Variants in LRRC37A2 observed in about 807,000 individuals in gnomAD.
LRRC37A2 encodes leucine-rich repeat-containing protein 37A2.
In LRRC37A2, 9 loss-of-function variants were observed where a neutral mutation model predicts 68.8. That is an observed-to-expected ratio of 0.13 (90% confidence interval 0.08 to 0.23). The LOEUF (loss-of-function observed/expected upper bound fraction) is 0.23, where lower values mean the gene tolerates loss of function less well. Among genes scored for constraint, LRRC37A2 ranks in the 10% least tolerant of loss-of-function variants. LRRC37A2 has a pLI of 1.00. For missense variants in LRRC37A2, 168 were observed against 950.4 expected, an observed-to-expected ratio of 0.18 and a Z score of 10.82; for synonymous variants, 63 against 367.6, an observed-to-expected ratio of 0.17 and a Z score of 9.48.
chr17:46,848,438 C>A, the LRRC37A2 span, among the ~76,000 whole-genome samples: 1 of 152,258 alleles, frequency 6.6e-6, no homozygotes, highest in Non-Finnish European at 1.5e-5. Flanking sequence ...AAACTCAGGC[C>A]AGCCCTTCAG....
At chr17:46,940,752 T>G in the LRRC37A2 span, 2 of 1,561,444 alleles carry the variant, frequency 1.3e-6, no homozygotes, top group South Asian at 1.1e-5. Flanking sequence ...ATGCTGCACC[T>G]TCAGAGCCAG....
the LRRC37A2 span, among the ~76,000 whole-genome samples, chr17:46,845,785 C>CTTTTT: frequency 2.3e-5 from 2 of 86,792 alleles, no homozygotes; most frequent in Non-Finnish European, 4.1e-5. Context: ...ACTGTGCTGG[C>CTTTTT]TTTTTTTTTT....
chr17:46,876,171 T>C, the LRRC37A2 span: 7 of 1,380,660 alleles, frequency 5.1e-6, no homozygotes, highest in Non-Finnish European at 6.9e-6. Flanking sequence ...CCTGCTGGGG[T>C]TGGTGCTCTG....
At chr17:46,945,907 A>G in the LRRC37A2 span, among the ~76,000 whole-genome samples, 3 of 152,168 alleles carry the variant, frequency 2.0e-5, no homozygotes, top group South Asian at 2.1e-4. Flanking sequence ...TATTGTTGCT[A>G]TGTGCATGGA....
the LRRC37A2 span, among the ~76,000 whole-genome samples, chr17:46,842,004 A>G: frequency 6.6e-6 from 1 of 152,082 alleles, no homozygotes; most frequent in Non-Finnish European, 1.5e-5. Flanking sequence ...GCTCCTGCAG[A>G]AGGCTGGCCG....
the LRRC37A2 span, among the ~76,000 whole-genome samples, chr17:47,013,085 G>A: frequency 6.6e-6 from 1 of 152,200 alleles, no homozygotes; most frequent in Admixed American, 6.5e-5. Context: ...AAAACATTAA[G>A]TGAAAGAAGC....
the LRRC37A2 span, among the ~76,000 whole-genome samples, chr17:46,752,104 G>A: frequency 5.9e-3 from 894 of 152,306 alleles, 3 homozygotes; most frequent in Middle Eastern, 0.017. Flanking sequence ...CTAGACTTGG[G>A]ATCTGTATAT....
chr17:46,789,701 T>TA, the LRRC37A2 span, among the ~76,000 whole-genome samples: 9 of 152,216 alleles, frequency 5.9e-5, no homozygotes, highest in Admixed American at 5.9e-4. Flanking sequence ...GCTGGAGTAC[T>TA]AAACCATGGC....
At chr17:47,013,015 ATT>A in the LRRC37A2 span, among the ~76,000 whole-genome samples, 1 of 152,270 alleles carries the variant, frequency 6.6e-6, no homozygotes, top group East Asian at 1.9e-4. Flanking sequence ...ACAATGGAAT[ATT>A]ATTCAACCAT....
At chr17:46,953,275 C>T in the LRRC37A2 span, among the ~76,000 whole-genome samples, 2 of 151,984 alleles carry the variant, frequency 1.3e-5, no homozygotes, top group South Asian at 2.1e-4. Flanking sequence ...TCAATTCCCA[C>T]CTATGAGTGA....
chr17:46,881,724 G>A, the LRRC37A2 span, among the ~76,000 whole-genome samples: 1 of 152,068 alleles, frequency 6.6e-6, no homozygotes, highest in Admixed American at 6.6e-5. Flanking sequence ...TCACTAGGTG[G>A]GTACCCTACC....
At chr17:46,532,314 T>C (rs1169135186) in intron 6 of LRRC37A2, among the ~76,000 whole-genome samples, 1 of 150,372 alleles carries the variant, frequency 6.7e-6, no homozygotes, top group African/African-American at 2.5e-5. Context: ...CCGTTGAATT[T>C]GGTTTGCCAG....
chr17:46,911,860 G>A, the LRRC37A2 span, among the ~76,000 whole-genome samples: 1 of 152,166 alleles, frequency 6.6e-6, no homozygotes, highest in African/African-American at 2.4e-5. Flanking sequence ...TCTAGCCTGG[G>A]TGACAGAATG....
At chr17:46,809,490 ACT>A in the LRRC37A2 span, among the ~76,000 whole-genome samples, 2 of 151,916 alleles carry the variant, frequency 1.3e-5, no homozygotes, top group Non-Finnish European at 2.9e-5. Context: ...ACGTACACAC[ACT>A]CAGTCCTCGC....
chr17:46,770,201 C>T, the LRRC37A2 span, among the ~76,000 whole-genome samples: 35 of 152,332 alleles, frequency 2.3e-4, no homozygotes, highest in African/African-American at 7.9e-4. Flanking sequence ...GCTTCCCCAC[C>T]CTCTTTGGCT....
the LRRC37A2 span, among the ~76,000 whole-genome samples, chr17:46,791,769 G>A: frequency 2.6e-5 from 4 of 152,236 alleles, no homozygotes; most frequent in Non-Finnish European, 5.9e-5. Flanking sequence ...CTCTGGCATG[G>A]TGGCGCATGC....
At chr17:46,772,768 C>G in the LRRC37A2 span, among the ~76,000 whole-genome samples, 4 of 152,194 alleles carry the variant, frequency 2.6e-5, no homozygotes, top group African/African-American at 7.2e-5. Context: ...AGCTTCCCCC[C>G]CAACCCCACC....
the LRRC37A2 span, among the ~76,000 whole-genome samples, chr17:46,707,329 A>G: frequency 6.6e-6 from 1 of 152,132 alleles, no homozygotes; most frequent in Non-Finnish European, 1.5e-5. Context: ...TGCTTATTTG[A>G]TTGATACAAG....
At chr17:46,493,808 A>C in the LRRC37A2 span, among the ~76,000 whole-genome samples, 1 of 150,628 alleles carries the variant, frequency 6.6e-6, no homozygotes, top group African/African-American at 2.5e-5. Context: ...AAGTGCTGGG[A>C]TTACAGGCGT....
Sources: allele counts gnomAD v4.1 joint callset (sites outside exome capture counted in the v4.1 genomes callset), GRCh38; gene constraint gnomAD v4.1.1; transcripts MANE v1.5; gene names NCBI Gene and HGNC (gene_info 2026-07-23, HGNC 2026-07-21).